Variants in EIF2AK4 observed in about 807,000 individuals in gnomAD.
EIF2AK4 encodes eukaryotic translation initiation factor 2 alpha kinase 4, also known as eIF-2-alpha kinase GCN2.
Under a neutral mutation model 211.1 loss-of-function variants are expected in EIF2AK4, and 139 were observed. That is an observed-to-expected ratio of 0.66 (90% CI 0.57 to 0.76). The LOEUF is 0.76. Ranked by LOEUF, EIF2AK4 falls within the 30% of genes least tolerant of loss-of-function variation. EIF2AK4 has a pLI of 0.00. For missense variants in EIF2AK4, 1,664 were observed against 2,043.8 expected (o/e 0.81, Z 3.58); for synonymous variants, 710 against 751.3 (o/e 0.94, Z 0.90).
At chr15:39,987,764 T>C (rs772348546) in intron 14 of EIF2AK4, among the ~76,000 whole-genome samples, 1 of 152,348 alleles carries the variant, frequency 6.6e-6, no homozygotes, top group Non-Finnish European at 1.5e-5. Context: ...TATAAAAAAT[T>C]AAAAATGGTT....
At chr15:39,964,027 G>A (rs142869703) in intron 7 of EIF2AK4, among the ~76,000 whole-genome samples, 2 of 152,222 alleles carry the variant, frequency 1.3e-5, no homozygotes, top group East Asian at 1.9e-4. Flanking sequence ...AGGTTGCTTC[G>A]TTTGGTTGAC....
intron 7 of EIF2AK4, 84 bp downstream of exon 7, chr15:39,961,983 C>A: frequency 9.5e-7 from 1 of 1,052,290 alleles, no homozygotes; most frequent in Non-Finnish European, 1.5e-6. Flanking sequence ...GACACTGTGT[C>A]ATTCAGACCA....
At chr15:39,963,440 AT>A (rs1399709633) in intron 7 of EIF2AK4, among the ~76,000 whole-genome samples, 6 of 152,342 alleles carry the variant, frequency 3.9e-5, no homozygotes, top group Admixed American at 3.3e-4. Context: ...CAGTTGGAGA[AT>A]TTTTAATAAA....
chr15:39,970,413 G>A (rs1022032544), intron 9 of EIF2AK4, among the ~76,000 whole-genome samples: 2 of 152,092 alleles, frequency 1.3e-5, no homozygotes, highest in African/African-American at 4.8e-5. Context: ...ACCCAACAGG[G>A]CATATATAGG....
chr15:39,969,479 G>A (rs2034593252), intron 9 of EIF2AK4, among the ~76,000 whole-genome samples: 1 of 149,066 alleles, frequency 6.7e-6, no homozygotes, highest in East Asian at 2.0e-4. Flanking sequence ...TCCTGCCTCA[G>A]CCTCCTGAGT....
chr15:39,942,851 C>CTATTTATTCTTGTTCTGCTT (rs2034166013), intron 2 of EIF2AK4, among the ~76,000 whole-genome samples: 1 of 152,174 alleles, frequency 6.6e-6, no homozygotes, highest in Non-Finnish European at 1.5e-5. Flanking sequence ...CTCCACTCAT[C>CTATTTATTCTTGTTCTGCTT]TATTTATTCT....
intron 3 of EIF2AK4, 76 bp downstream of exon 3, chr15:39,943,561 A>G: frequency 1.7e-6 from 2 of 1,151,920 alleles, no homozygotes; most frequent in Non-Finnish European, 2.5e-6. Context: ...TTTGAGTAGC[A>G]TGTTTTGTGT....
chr15:39,970,551 G>A (rs530703799), intron 9 of EIF2AK4, among the ~76,000 whole-genome samples: 2 of 152,192 alleles, frequency 1.3e-5, no homozygotes, highest in South Asian at 4.2e-4. Flanking sequence ...TTAAGTACTG[G>A]CTTAGAAAGA....
Position 39,946,581 on chromosome 15 carries a change from T to C in EIF2AK4, c.361-2535T>C, listed in dbSNP as rs1348995241. 4.3e-6 allele frequency: 3 copies of C among 702,018 alleles called. No homozygotes were observed. In the East Asian group the frequency reaches 8.0e-5, roughly 19 times the overall value. 43.5% of individuals were successfully genotyped at this position (702,018 alleles called of 1,614,324 possible). On this transcript the variant is annotated intron_variant, in intron 3 of 38. Coordinates refer to ENST00000263791, the MANE Select transcript of EIF2AK4 (RefSeq NM_001013703.4). ...TTAGGATATTTCATAAACTTTGTTT[T>C]GAAGCAGCAGCAGGGTTGGAGAGGA...
At position 40,020,096 on chromosome 15, in the gene EIF2AK4, G is replaced by A. The variant is rs562936830; in HGVS notation, c.4174-803G>A. ...GTGGGAGAATCGTTTGAACCCAGGA[G>A]GGGGAGGTTGCAGTGAGGTGAAATC... On this transcript the variant is annotated intron_variant, in intron 30 of 38. Coordinates refer to ENST00000263791, the MANE Select transcript of EIF2AK4 (RefSeq NM_001013703.4). Among the ~76,000 whole-genome samples the A allele has an allele frequency of 3.3e-5, 5 of 151,926 alleles. No individual in the cohort carries two copies. The South Asian group carries it at 8.3e-4, about 25-fold the overall frequency.
intron 33 of EIF2AK4, among the ~76,000 whole-genome samples, chr15:40,028,360 A>T (rs569839626): frequency 1.4e-4 from 22 of 152,324 alleles, no homozygotes; most frequent in Non-Finnish European, 2.2e-4. Context: ...ATTATCAGAA[A>T]ATACCACACG....
At chr15:39,978,443 G>A (rs1018275102) in intron 13 of EIF2AK4, among the ~76,000 whole-genome samples, 1 of 152,168 alleles carries the variant, frequency 6.6e-6, no homozygotes, top group African/African-American at 2.4e-5. Flanking sequence ...TTATATGGTT[G>A]GGGATAAGAA....
chr15:39,939,043 A>C (rs1012641060), intron 1 of EIF2AK4, among the ~76,000 whole-genome samples: 4 of 152,206 alleles, frequency 2.6e-5, no homozygotes, highest in African/African-American at 9.6e-5. Flanking sequence ...CCCTGCTCGC[A>C]GAGTCCTTCA....
chr15:40,034,950 T>C, intron 38 of EIF2AK4, 77 bp from the exon 39 acceptor site: 1 of 1,138,866 alleles, frequency 8.8e-7, no homozygotes, highest in Non-Finnish European at 1.2e-6. Flanking sequence ...CTCCTACAGG[T>C]GTTATAAAAA....
rs148332808 is a variant in EIF2AK4, at chr15:40,001,194, C to T, written c.3129C>T (p.Ile1043=). 280 of 1,613,724 alleles carry T rather than the reference C, an allele frequency of 1.7e-4. No individual in the cohort carries two copies. In the African/African-American group the frequency reaches 3.2e-3, roughly 19 times the overall value. ...TCTCGCAGCGCATCTCCCCTGCCAT[C>T]GATTACACCTATGACAGCGACATAC... The part of the protein sequence containing the change: ...QIFSQRISPA[I]DYTYDSDILK... Residue 1043 remains isoleucine, a synonymous_variant, in exon 21 of 39, where the codon ATC becomes ATT. Transcript: ENST00000263791.
intron 3 of EIF2AK4, chr15:39,946,508 G>A: frequency 4.3e-6 from 3 of 699,884 alleles, no homozygotes; most frequent in Non-Finnish European, 7.8e-6. Context: ...GGTTTCTTGA[G>A]TGGTTCCTGA....
chr15:39,959,240 T>A (rs538270517), intron 6 of EIF2AK4, among the ~76,000 whole-genome samples: 2 of 152,278 alleles, frequency 1.3e-5, no homozygotes, highest in East Asian at 3.9e-4. Context: ...CAGAAGTCGT[T>A]TTACTTATGA....
rs746571012 is a variant in EIF2AK4 at position 40,034,337 on chromosome 15, T to TG, written c.4786dup (p.Glu1596GlyfsTer5). On this transcript the variant is annotated frameshift_variant, in exon 38 of 39. Transcript: ENST00000263791. LOFTEE classifies it high-confidence loss of function. ...TATTTTTTTCCTAGTGGGATGCTGA[T>TG]GAACAGGCATTTAACACAACTGTGA... The TG allele has an allele frequency of 6.2e-7, 1 of 1,614,032 alleles. No homozygotes were observed. Among genetic ancestry groups the TG allele is most frequent in the Non-Finnish European group, 8.5e-7 (1 of 1,179,946 alleles).
At chr15:40,002,606 A>G in intron 21 of EIF2AK4, 107 bp from the exon 22 acceptor site, 1 of 1,180,770 alleles carries the variant, frequency 8.5e-7, no homozygotes, top group Non-Finnish European at 1.3e-6. Flanking sequence ...TTGTTTTTTG[A>G]ACCTGGAAAT....
Sources: allele counts gnomAD v4.1 joint callset (sites outside exome capture counted in the v4.1 genomes callset), GRCh38; gene constraint gnomAD v4.1.1; transcripts MANE v1.5; gene names NCBI Gene and HGNC (gene_info 2026-07-23, HGNC 2026-07-21).